LIPC: variants seen among roughly 807,000 people sequenced by gnomAD.
The protein encoded by LIPC is hepatic triacylglycerol lipase.
Under a neutral mutation model 50.7 loss-of-function variants are expected in LIPC, and 44 were observed. That is an observed-to-expected ratio of 0.87 (90% CI 0.68 to 1.11). The LOEUF (loss-of-function observed/expected upper bound fraction) is 1.11, where lower values mean the gene tolerates loss of function less well. Ranked by LOEUF, LIPC falls within the 50% of genes most tolerant of loss-of-function variation. The pLI, the probability that LIPC is intolerant of heterozygous loss-of-function variation, is 0.00. For synonymous variants in LIPC, 271 were observed against 256.4 expected (o/e 1.06, Z -0.54); for missense variants, 697 against 648.2 (o/e 1.08, Z -0.82).
intron 1 of LIPC, among the ~76,000 whole-genome samples, chr15:58,491,405 G>A (rs1267270117): frequency 6.6e-6 from 1 of 152,200 alleles, no homozygotes; most frequent in Admixed American, 6.5e-5. Context: ...GGCCTGTAGA[G>A]TGGGAATAAT....
chr15:58,553,578 G>C (rs1411616530), intron 6 of LIPC, among the ~76,000 whole-genome samples: 2 of 152,174 alleles, frequency 1.3e-5, no homozygotes, highest in African/African-American at 4.8e-5. Flanking sequence ...GGGTGACAGA[G>C]TGAGACCCTG....
At chr15:58,472,997 C>T (rs1890864029) in intron 1 of LIPC, among the ~76,000 whole-genome samples, 2 of 152,266 alleles carry the variant, frequency 1.3e-5, no homozygotes, top group East Asian at 1.9e-4. Flanking sequence ...ACTTTGAAAA[C>T]ACTACCACCC....
At chr15:58,496,172 C>G (rs1380215079) in intron 1 of LIPC, among the ~76,000 whole-genome samples, 2 of 152,088 alleles carry the variant, frequency 1.3e-5, no homozygotes, top group Admixed American at 1.3e-4. Context: ...TTGGCAATAT[C>G]TGGGGGCATC....
intron 1 of LIPC, among the ~76,000 whole-genome samples, chr15:58,525,037 A>G (rs1298688547): frequency 3.9e-5 from 6 of 152,026 alleles, no homozygotes; most frequent in African/African-American, 1.4e-4. Flanking sequence ...TTTTCTGGTC[A>G]TTTTATGATT....
At position 58,453,951 on chromosome 15, in the gene LIPC, T is replaced by C. The variant is rs558319696; in HGVS notation, c.88+21831T>C. On this transcript the variant is annotated intron_variant, in intron 1 of 8. Transcript: ENST00000299022. ...GCACCTGTTGTTTCAGCAGATGTCC[T>C]GGTGCCACATTTGCTATTTGCAATG... 2.6e-5 allele frequency among the ~76,000 whole-genome samples: 4 copies of C among 152,320 alleles called. No homozygotes were observed. The East Asian group carries it at 5.8e-4, about 22-fold the overall frequency.
intron 1 of LIPC, among the ~76,000 whole-genome samples, chr15:58,480,586 T>G (rs1219683309): frequency 6.6e-6 from 1 of 152,204 alleles, no homozygotes; most frequent in Non-Finnish European, 1.5e-5. Context: ...TGTGAGCCAC[T>G]GTGCCCGGCC....
At chr15:58,436,703 G>A in intron 1 of LIPC, 1 of 456,262 alleles carries the variant, frequency 2.2e-6, no homozygotes. Context: ...GGCATGAGAT[G>A]AGGACCATGA....
At chr15:58,457,116 T>A (rs1055693522) in intron 1 of LIPC, among the ~76,000 whole-genome samples, 27 of 152,272 alleles carry the variant, frequency 1.8e-4, no homozygotes, top group African/African-American at 5.1e-4. Flanking sequence ...ATGATTTTTT[T>A]ATTATTTTTT....
At chr15:58,564,467 C>T (rs1894289925) in intron 8 of LIPC, among the ~76,000 whole-genome samples, 1 of 120,660 alleles carries the variant, frequency 8.3e-6, no homozygotes, top group Non-Finnish European at 1.7e-5. Context: ...GTGGCTCACA[C>T]CTGTAATCCC....
chr15:58,498,365 C>G (rs1307270528), intron 1 of LIPC, among the ~76,000 whole-genome samples: 1 of 152,122 alleles, frequency 6.6e-6, no homozygotes, highest in Admixed American at 6.5e-5. Context: ...TGGTCCGAGG[C>G]CCTCACTCTG....
intron 1 of LIPC, among the ~76,000 whole-genome samples, chr15:58,469,102 T>TTGTG (rs56309142): frequency 0.078 from 10,954 of 140,486 alleles, 467 homozygotes; most frequent in South Asian, 0.12. Flanking sequence ...AGGGAACATT[T>TTGTG]TGTGTGTGTG....
intron 1 of LIPC, among the ~76,000 whole-genome samples, chr15:58,449,848 G>A (rs2140668852): frequency 6.6e-6 from 1 of 152,222 alleles, no homozygotes; most frequent in East Asian, 1.9e-4. Flanking sequence ...CCGGCCTTGG[G>A]TTTTAAATGC....
rs1032754254 is a variant in LIPC at position 58,569,124 on chromosome 15, T to A, written c.*297T>A. ...TTAGATCTGTTGTTCTAATTTACAA[T>A]GTCTTTTATAATTAAGTTTCCCACA... On this transcript the variant is annotated 3_prime_UTR_variant, in exon 9 of 9. Coordinates refer to ENST00000299022, the MANE Select transcript of LIPC (RefSeq NM_000236.3). 4.6e-6 allele frequency: 1 copy of A among 217,142 alleles called. No individual in the cohort carries two copies. The highest frequency in any genetic ancestry group is 5.2e-5 in the Admixed American group (1 of 19,066). The allele number at this position is 217,142 out of a possible 1,614,324, so 13.5% of individuals were successfully genotyped here.
chr15:58,480,874 C>T (rs1891161971), intron 1 of LIPC, among the ~76,000 whole-genome samples: 1 of 152,062 alleles, frequency 6.6e-6, no homozygotes, highest in South Asian at 2.1e-4. Flanking sequence ...TGTAGGTTCC[C>T]CTCTCAAAGG....
In LIPC at chr15:58,544,391, C is replaced by CTTTTTTTTTTTTTT. The variant is rs572161614; in HGVS notation, c.575-1348_575-1347insTTTTTTTTTTTTTT. Among the ~76,000 whole-genome samples, 2 of 110,272 alleles carry CTTTTTTTTTTTTTT rather than the reference C, an allele frequency of 1.8e-5. 1 individual carries two copies. 72.3% of individuals were successfully genotyped at this position (110,272 alleles called of 152,430 possible). A position where few individuals can be genotyped will look rare whatever the true frequency, so the allele number is the denominator to read the frequency against. On this transcript the variant is annotated intron_variant, in intron 4 of 8. Transcript: ENST00000299022. The stretch of plus-strand genomic sequence containing the variant: ...CATATCAGGACATTTTTCTTTTTCT[C>CTTTTTTTTTTTTTT]TTTCTTTTTTTTTTTTTTTTTTGAG...
intron 1 of LIPC, among the ~76,000 whole-genome samples, chr15:58,452,516 A>G (rs139978831): frequency 1.3e-5 from 2 of 152,278 alleles, no homozygotes; most frequent in Non-Finnish European, 1.5e-5. Flanking sequence ...CCATCCCTTT[A>G]TAGCATCCTG....
At chr15:58,550,532 A>G (rs1893712290) in intron 6 of LIPC, among the ~76,000 whole-genome samples, 1 of 152,202 alleles carries the variant, frequency 6.6e-6, no homozygotes, top group African/African-American at 2.4e-5. Flanking sequence ...GCATTAGGGC[A>G]TCATTATCTC....
chr15:58,495,874 T>C (rs1214535070), intron 1 of LIPC, among the ~76,000 whole-genome samples: 2 of 152,240 alleles, frequency 1.3e-5, no homozygotes, highest in Non-Finnish European at 2.9e-5. Context: ...GGGTCAAGCA[T>C]AAACTCTGTC....
chr15:58,557,057 T>A (rs1484423843), intron 6 of LIPC, among the ~76,000 whole-genome samples: 4 of 152,228 alleles, frequency 2.6e-5, no homozygotes, highest in Non-Finnish European at 5.9e-5. Flanking sequence ...GTTAGGACAT[T>A]TTTTAACTGA....
Sources: allele counts gnomAD v4.1 joint callset (sites outside exome capture counted in the v4.1 genomes callset), GRCh38; gene constraint gnomAD v4.1.1; transcripts MANE v1.5; gene names NCBI Gene and HGNC (gene_info 2026-07-23, HGNC 2026-07-21).